Variants in THSD7A observed in about 807,000 individuals in gnomAD.
The protein encoded by THSD7A is thrombospondin type 1 domain containing 7A.
Under a neutral mutation model 231.3 loss-of-function variants are expected in THSD7A, and 96 were observed. The ratio of observed to expected loss-of-function variants is 0.41; its 90% CI spans 0.35 to 0.49. THSD7A has a LOEUF of 0.49. THSD7A is among the 20% of genes least tolerant of loss of function. THSD7A has a pLI of 0.05. For missense variants in THSD7A, 2,290 were observed against 2,070.2 expected (o/e 1.11, Z -2.06); for synonymous variants, 940 against 743.3 (o/e 1.26, Z -4.30).
chr7:11,549,727 T>C (rs1048076688), intron 4 of THSD7A, among the ~76,000 whole-genome samples: 2 of 151,822 alleles, frequency 1.3e-5, no homozygotes, highest in African/African-American at 2.4e-5. Flanking sequence ...AGCTGAACAA[T>C]GAGGACACAG....
intron 1 of THSD7A, among the ~76,000 whole-genome samples, chr7:11,752,189 A>G (rs1388141875): frequency 6.6e-6 from 1 of 152,068 alleles, no homozygotes; most frequent in Non-Finnish European, 1.5e-5. Context: ...CCACATTCTC[A>G]GGAGGCTGTT....
intron 1 of THSD7A, among the ~76,000 whole-genome samples, chr7:11,726,869 T>G (rs1303434097): frequency 2.0e-5 from 3 of 151,930 alleles, no homozygotes; most frequent in African/African-American, 7.2e-5. Context: ...TTTTCTAGAT[T>G]ACCCTTTCAG....
intron 1 of THSD7A, among the ~76,000 whole-genome samples, chr7:11,644,023 T>A (rs992633811): frequency 1.3e-5 from 2 of 149,318 alleles, no homozygotes; most frequent in Non-Finnish European, 3.0e-5. Flanking sequence ...GTGTGCTTAT[T>A]TTCTTGGAGG....
intron 1 of THSD7A, among the ~76,000 whole-genome samples, chr7:11,785,610 C>T (rs1783765181): frequency 6.6e-6 from 1 of 152,148 alleles, no homozygotes; most frequent in Admixed American, 6.6e-5. Flanking sequence ...TTAAATATCT[C>T]CTGTACTCTT....
At chr7:11,786,842 C>A (rs1283607238) in intron 1 of THSD7A, among the ~76,000 whole-genome samples, 1 of 151,284 alleles carries the variant, frequency 6.6e-6, no homozygotes, top group African/African-American at 2.4e-5. Flanking sequence ...CTACACCGAA[C>A]TGACAAAAAT....
chr7:11,471,168 C>A (rs1015343183), intron 8 of THSD7A, among the ~76,000 whole-genome samples: 1 of 151,836 alleles, frequency 6.6e-6, no homozygotes, highest in African/African-American at 2.4e-5. Flanking sequence ...TAACAAATAA[C>A]TTATTCTGAT....
Position 11,407,388 on chromosome 7 carries a change from G to C in THSD7A, c.3834C>G (p.Ser1278=). Residue 1278 remains serine, a synonymous_variant, in exon 20 of 28, where the codon TCC becomes TCG. Coordinates refer to ENST00000423059, the MANE Select transcript of THSD7A (RefSeq NM_015204.3). ...AGTTCACAGGGCATTCCACCATGCA[G>C]GACGTGTTCATCTGCCAGTTCTTCT... ...GLEKNWQMNT[S]CMVECPVNCQ... The C allele has an allele frequency of 6.2e-7, 1 of 1,613,556 alleles. No individual in the cohort carries two copies. The highest frequency in any genetic ancestry group is 8.5e-7 in the Non-Finnish European group (1 of 1,179,768).
At chr7:11,812,400 T>A (rs944126045) in intron 1 of THSD7A, among the ~76,000 whole-genome samples, 2 of 152,164 alleles carry the variant, frequency 1.3e-5, no homozygotes, top group Non-Finnish European at 2.9e-5. Flanking sequence ...ATAAGATACA[T>A]TGCATCATGA....
chr7:11,536,962 G>A (rs1788939907), intron 6 of THSD7A, among the ~76,000 whole-genome samples: 1 of 151,868 alleles, frequency 6.6e-6, no homozygotes. Flanking sequence ...TTTATATATT[G>A]CATACAAATT....
intron 1 of THSD7A, among the ~76,000 whole-genome samples, chr7:11,777,414 T>TACAC (rs66487858): frequency 3.3e-3 from 486 of 147,266 alleles, no homozygotes; most frequent in Admixed American, 6.0e-3. Flanking sequence ...GTAAATTAAG[T>TACAC]ACACACACAC....
In THSD7A at chr7:11,504,482, A is replaced by T. The variant is rs2128311290; in HGVS notation, c.1823-22500T>A. 2.6e-5 allele frequency among the ~76,000 whole-genome samples: 4 copies of T among 152,272 alleles called. No individual in the cohort carries two copies. In the Middle Eastern group the frequency reaches 0.014, roughly 518 times the overall value. ...CATCACATGTAGGCCCAAACCTAAA[A>T]TAAAAAAAATTTTAAAAAGAATAAC... On this transcript the variant is annotated intron_variant, in intron 6 of 27. Coordinates refer to ENST00000423059, the MANE Select transcript of THSD7A (RefSeq NM_015204.3).
At chr7:11,780,997 CAAAAAAAAAAAAAAAAAAAAAAAAA>C (rs58931693) in intron 1 of THSD7A, among the ~76,000 whole-genome samples, 26 of 34,448 alleles carry the variant, frequency 7.5e-4, no homozygotes, top group Admixed American at 2.8e-3. Context: ...GACTCCGTCT[CAAAAAAAAAAAAAAAAAAAAAAAAA>C]AAAAAAAAAA....
intron 23 of THSD7A, among the ~76,000 whole-genome samples, chr7:11,391,635 C>T (rs1782985685): frequency 6.6e-6 from 1 of 151,528 alleles, no homozygotes; most frequent in Admixed American, 6.5e-5. Flanking sequence ...TTCTGTCCTG[C>T]TGGCATTCCA....
At chr7:11,796,428 C>T (rs769944909) in intron 1 of THSD7A, among the ~76,000 whole-genome samples, 1 of 151,702 alleles carries the variant, frequency 6.6e-6, no homozygotes, top group African/African-American at 2.4e-5. Context: ...CGACAGAAAT[C>T]CATTGCTATT....
intron 1 of THSD7A, among the ~76,000 whole-genome samples, chr7:11,823,614 G>C (rs1327252418): frequency 3.3e-5 from 5 of 151,932 alleles, no homozygotes; most frequent in Non-Finnish European, 7.4e-5. Context: ...ATTTGTTTGT[G>C]TCATTGACAA....
Position 11,702,711 on chromosome 7 carries a change from A to T in THSD7A, c.191-65750T>A, listed in dbSNP as rs1180861708. ...TTTTAGAATTCTACCTGAGCAAATTAAATAATTATTTGTGTGTCAGTTCTT... is the reference window on the plus strand; with the variant it reads ...TTTTAGAATTCTACCTGAGCAAATTTAATAATTATTTGTGTGTCAGTTCTT... On this transcript the variant is annotated intron_variant, in intron 1 of 27. Transcript: ENST00000423059. 2.6e-5 allele frequency among the ~76,000 whole-genome samples: 4 copies of T among 151,190 alleles called. No individual in the cohort carries two copies. The East Asian group carries it at 7.9e-4, about 30-fold the overall frequency.
intron 4 of THSD7A, among the ~76,000 whole-genome samples, chr7:11,549,812 A>G (rs977514108): frequency 1.3e-5 from 2 of 152,028 alleles, no homozygotes; most frequent in Non-Finnish European, 2.9e-5. Flanking sequence ...TATCTAATAT[A>G]TGTTGGGCTT....
At chr7:11,622,236 T>G (rs928864978) in intron 2 of THSD7A, among the ~76,000 whole-genome samples, 2 of 152,122 alleles carry the variant, frequency 1.3e-5, no homozygotes, top group African/African-American at 2.4e-5. Context: ...AGATTTTTCC[T>G]CATTATTCAA....
At chr7:11,642,541 T>C (rs1782124239) in intron 1 of THSD7A, among the ~76,000 whole-genome samples, 1 of 152,170 alleles carries the variant, frequency 6.6e-6, no homozygotes, top group Non-Finnish European at 1.5e-5. Context: ...TGACAGATTT[T>C]ATGTAAATCC....
Sources: allele counts gnomAD v4.1 joint callset (sites outside exome capture counted in the v4.1 genomes callset), GRCh38; gene constraint gnomAD v4.1.1; transcripts MANE v1.5; gene names NCBI Gene and HGNC (gene_info 2026-07-23, HGNC 2026-07-21).